The following MYO5A variants were observed in gnomAD, a reference collection of about 807,000 sequenced individuals.
MYO5A encodes unconventional myosin-Va.
Under a neutral mutation model 249.7 loss-of-function variants are expected in MYO5A, and 98 were observed. The ratio of observed to expected loss-of-function variants is 0.39; its 90% confidence interval spans 0.33 to 0.46. The LOEUF is 0.46. Ranked by LOEUF, MYO5A falls within the 20% of genes least tolerant of loss-of-function variation. The probability of loss-of-function intolerance (pLI) is 0.98; values close to 1 mark genes in which losing one functional copy is unlikely to be tolerated. For missense variants in MYO5A, 1,696 were observed against 2,308.8 expected (o/e 0.73, Z 5.44); for synonymous variants, 778 against 810.6 (o/e 0.96, Z 0.68).
rs2076670668 is a variant in MYO5A, at chr15:52,479,434, T to G, written c.28-46149A>C. On this transcript the variant is annotated intron_variant, in intron 1 of 41. Coordinates refer to ENST00000399233, the MANE Select transcript of MYO5A (RefSeq NM_001382347.1). ...TAGTTCATCTGAGAATTTTTTCAAA[T>G]TGTTGCAAATCTCAAAAAATTTTCC... is the stretch of plus-strand genomic sequence containing the variant. Among the ~76,000 whole-genome samples the G allele has an allele frequency of 2.6e-5, 4 of 152,192 alleles. No individual in the cohort carries two copies. The South Asian group carries it at 8.3e-4, about 31-fold the overall frequency.
At chr15:52,321,023 A>C (rs934196076) in intron 38 of MYO5A, among the ~76,000 whole-genome samples, 2 of 152,094 alleles carry the variant, frequency 1.3e-5, no homozygotes, top group Non-Finnish European at 2.9e-5. Flanking sequence ...AAAAAAAAAA[A>C]AAAGGGAGCC....
intron 5 of MYO5A, among the ~76,000 whole-genome samples, chr15:52,411,829 A>G (rs2043264029): frequency 6.6e-6 from 1 of 152,204 alleles, no homozygotes; most frequent in Admixed American, 6.6e-5. Flanking sequence ...GAGTGTAGAC[A>G]TCCTATTTTG....
chr15:52,497,532 G>A (rs1049571916), intron 1 of MYO5A, among the ~76,000 whole-genome samples: 2 of 150,880 alleles, frequency 1.3e-5, no homozygotes, highest in African/African-American at 2.4e-5. Flanking sequence ...TGAGGCGGGC[G>A]GATTGCCTGA....
At chr15:52,378,090 C>G (rs1275921822) in intron 18 of MYO5A, among the ~76,000 whole-genome samples, 1 of 152,156 alleles carries the variant, frequency 6.6e-6, no homozygotes, top group African/African-American at 2.4e-5. Flanking sequence ...ACCAACCCTG[C>G]CTCCATCTTT....
At chr15:52,527,877 G>A (rs1304986298) in intron 1 of MYO5A, among the ~76,000 whole-genome samples, 1 of 152,226 alleles carries the variant, frequency 6.6e-6, no homozygotes, top group Non-Finnish European at 1.5e-5. Flanking sequence ...GCATGTAGAA[G>A]TAATCAATAT....
chr15:52,311,675 G>C lies in MYO5A; in HGVS notation c.*2021C>G, dbSNP rs918172663. 1.3e-5 allele frequency: 2 copies of C among 152,182 alleles called. No homozygotes were observed. The highest frequency in any genetic ancestry group is 1.3e-4 in the Admixed American group (2 of 15,272). 9.4% of individuals were successfully genotyped at this position (152,182 alleles called of 1,614,324 possible). The stretch of plus-strand genomic sequence containing the variant: ...TACATTTGATTAATCCTAAGGAATT[G>C]ACAGGCACTACACACTGGTCTTTCC... On this transcript the variant is annotated 3_prime_UTR_variant, in exon 42 of 42. Coordinates refer to ENST00000399233, the MANE Select transcript of MYO5A (RefSeq NM_001382347.1).
intron 9 of MYO5A, among the ~76,000 whole-genome samples, chr15:52,403,141 C>T (rs1353442232): frequency 1.3e-5 from 2 of 152,148 alleles, no homozygotes; most frequent in African/African-American, 4.8e-5. Context: ...ATATATGTGA[C>T]ATAACATTAG....
chr15:52,323,321 T>C lies in MYO5A; in HGVS notation c.4800+34A>G, dbSNP rs374824525. ...TTCCTTAAAAAGGTCAGAGAAAGTA[T>C]AGCATGCTGGTTTTGTAATCAAGGT... On this transcript the variant is annotated intron_variant, in intron 37 of 41. Coordinates refer to ENST00000399233, the MANE Select transcript of MYO5A (RefSeq NM_001382347.1). The C allele has an allele frequency of 4.0e-4, 618 of 1,554,360 alleles. 1 individual carries two copies. Among genetic ancestry groups the C allele is most frequent in the Non-Finnish European group, 5.4e-4 (606 of 1,126,290 alleles).
At chr15:52,434,561 C>T (rs914096380) in intron 1 of MYO5A, among the ~76,000 whole-genome samples, 3 of 152,158 alleles carry the variant, frequency 2.0e-5, no homozygotes, top group African/African-American at 7.2e-5. Context: ...GCATGGTAAT[C>T]ATCAGGGATT....
Position 52,431,787 on chromosome 15 carries a change from A to G in MYO5A, c.138+1388T>C, listed in dbSNP as rs569141563. 9.1e-4 allele frequency among the ~76,000 whole-genome samples: 139 copies of G among 152,062 alleles called. 1 individual carries two copies. Among genetic ancestry groups the G allele is most frequent in the Admixed American group, 2.1e-3 (32 of 15,264 alleles). On this transcript the variant is annotated intron_variant, in intron 2 of 41. Coordinates refer to ENST00000399233, the MANE Select transcript of MYO5A (RefSeq NM_001382347.1). ...GACTGCTTGAGCTCAGGAGTTCGAG[A>G]CTAGCCTGGGCAACATATTGAGACT...
chr15:52,456,136 T>C (rs2076113865), intron 1 of MYO5A, among the ~76,000 whole-genome samples: 1 of 151,932 alleles, frequency 6.6e-6, no homozygotes, highest in South Asian at 2.1e-4. Flanking sequence ...AAAATCAACA[T>C]ACAAAACCAG....
intron 1 of MYO5A, among the ~76,000 whole-genome samples, chr15:52,496,353 G>A (rs1018216617): frequency 2.6e-5 from 4 of 152,104 alleles, no homozygotes; most frequent in Non-Finnish European, 5.9e-5. Flanking sequence ...CATAGCTCCT[G>A]AGCTTCAAGT....
intron 1 of MYO5A, among the ~76,000 whole-genome samples, chr15:52,458,887 G>T (rs1006440861): frequency 6.6e-6 from 1 of 151,900 alleles, no homozygotes; most frequent in African/African-American, 2.4e-5. Flanking sequence ...ATTGGCAAGG[G>T]CACAGGAATT....
At chr15:52,325,077 C>T (rs535624524) in intron 36 of MYO5A, among the ~76,000 whole-genome samples, 32 of 151,538 alleles carry the variant, frequency 2.1e-4, no homozygotes, top group African/African-American at 7.8e-4. Context: ...CTAAAAATAA[C>T]TCTGCCTCTT....
At chr15:52,450,734 C>T (rs2075998896) in intron 1 of MYO5A, among the ~76,000 whole-genome samples, 1 of 151,276 alleles carries the variant, frequency 6.6e-6, no homozygotes, top group African/African-American at 2.4e-5. Context: ...AACTCCTTGG[C>T]TCAAGTGATC....
intron 36 of MYO5A, among the ~76,000 whole-genome samples, chr15:52,324,257 G>C (rs868436114): frequency 7.9e-5 from 12 of 152,242 alleles, no homozygotes; most frequent in African/African-American, 2.9e-4. Context: ...CCTGAGCTGG[G>C]CAGTACAGTC....
intron 1 of MYO5A, among the ~76,000 whole-genome samples, chr15:52,463,809 C>A (rs1169865518): frequency 6.6e-6 from 1 of 152,168 alleles, no homozygotes; most frequent in Non-Finnish European, 1.5e-5. Context: ...GAAGCTTCCA[C>A]CAGATCAAAA....
intron 1 of MYO5A, among the ~76,000 whole-genome samples, chr15:52,493,732 G>GAC (rs1245488200): frequency 3.3e-5 from 5 of 152,028 alleles, no homozygotes; most frequent in Non-Finnish European, 7.4e-5. Context: ...TACTCTAGAA[G>GAC]ACATTAGGCT....
chr15:52,434,439 G>A (rs1262581949), intron 1 of MYO5A, among the ~76,000 whole-genome samples: 2 of 152,160 alleles, frequency 1.3e-5, no homozygotes, highest in Non-Finnish European at 2.9e-5. Flanking sequence ...AAGAAACACG[G>A]TTGTTCAGCA....
Sources: allele counts gnomAD v4.1 joint callset (sites outside exome capture counted in the v4.1 genomes callset), GRCh38; gene constraint gnomAD v4.1.1; transcripts MANE v1.5; gene names NCBI Gene and HGNC (gene_info 2026-07-23, HGNC 2026-07-21).